The following IGF1R variants were observed in gnomAD, a reference collection of about 807,000 sequenced individuals.
IGF1R encodes insulin-like growth factor 1 receptor.
Under a neutral mutation model 144.6 loss-of-function variants are expected in IGF1R, and 44 were observed. That is an observed-to-expected ratio of 0.30 (90% confidence interval 0.24 to 0.39). IGF1R has a LOEUF of 0.39. IGF1R is among the 10% of genes least tolerant of loss of function. IGF1R has a pLI of 1.00. For synonymous variants in IGF1R, 795 were observed against 722.8 expected (o/e 1.10, Z -1.60); for missense variants, 1,355 against 1,833.7 (o/e 0.74, Z 4.77).
chr15:98,826,208 A>G (rs1199236639), intron 2 of IGF1R, among the ~76,000 whole-genome samples: 2 of 152,240 alleles, frequency 1.3e-5, no homozygotes, highest in East Asian at 1.9e-4. Flanking sequence ...TATTTGTTGC[A>G]CTAATACTTA....
intron 14 of IGF1R, among the ~76,000 whole-genome samples, chr15:98,929,947 T>A (rs2015875266): frequency 6.6e-6 from 1 of 152,176 alleles, no homozygotes. Flanking sequence ...GCCTTCCCAA[T>A]CAAATAAGCC....
chr15:98,875,498 T>C (rs1175441422), intron 2 of IGF1R, among the ~76,000 whole-genome samples: 1 of 152,098 alleles, frequency 6.6e-6, no homozygotes, highest in Admixed American at 6.5e-5. Context: ...CTTCACACAT[T>C]CTCGTGTCTG....
At chr15:98,902,723 T>C (rs907832823) in intron 5 of IGF1R, among the ~76,000 whole-genome samples, 7 of 152,214 alleles carry the variant, frequency 4.6e-5, no homozygotes, top group Non-Finnish European at 8.8e-5. Flanking sequence ...CTTCTTGAAC[T>C]TCTTTTATAG....
intron 2 of IGF1R, among the ~76,000 whole-genome samples, chr15:98,792,534 CA>C (rs2056150168): frequency 6.6e-6 from 1 of 152,048 alleles, no homozygotes; most frequent in South Asian, 2.1e-4. Context: ...TGGTTATCTT[CA>C]AAGGATAAAT....
intron 2 of IGF1R, among the ~76,000 whole-genome samples, chr15:98,773,686 C>T (rs556991946): frequency 2.4e-4 from 37 of 152,190 alleles, no homozygotes; most frequent in Non-Finnish European, 3.7e-4. Context: ...GTACCCCACA[C>T]TGTAATCAGC....
At chr15:98,844,438 C>CA (rs2011238364) in intron 2 of IGF1R, among the ~76,000 whole-genome samples, 1 of 151,896 alleles carries the variant, frequency 6.6e-6, no homozygotes, top group Non-Finnish European at 1.5e-5. Flanking sequence ...GACTCCCTGC[C>CA]AAAAAAACTA....
chr15:98,810,896 C>T (rs527364062), intron 2 of IGF1R, among the ~76,000 whole-genome samples: 104 of 152,286 alleles, frequency 6.8e-4, no homozygotes, highest in African/African-American at 2.3e-3. Context: ...AACTACAGCC[C>T]ATGCTGCCAC....
intron 2 of IGF1R, among the ~76,000 whole-genome samples, chr15:98,868,432 C>G (rs2012587988): frequency 6.9e-6 from 1 of 145,776 alleles, no homozygotes; most frequent in African/African-American, 2.5e-5. Flanking sequence ...GAGCCTTATG[C>G]AAGCTCCTGG....
chr15:98,853,562 TAATC>T (rs2011631526), intron 2 of IGF1R, among the ~76,000 whole-genome samples: 1 of 152,192 alleles, frequency 6.6e-6, no homozygotes, highest in African/African-American at 2.4e-5. Context: ...AAAGGAAAAA[TAATC>T]TATGAAGATG....
Position 98,958,980 on chromosome 15 carries a change from A to G in IGF1R, c.*1538A>G, listed in dbSNP as rs2017120837. ...CGTAGGCTCTCTGGGCACGAGGCAGAAAGCAGGCCGGGCACCCATCCTGAG... is the reference window on the plus strand; with the variant it reads ...CGTAGGCTCTCTGGGCACGAGGCAGGAAGCAGGCCGGGCACCCATCCTGAG... On this transcript the variant is annotated 3_prime_UTR_variant, in exon 21 of 21. Transcript: ENST00000650285. The G allele has an allele frequency of 4.3e-6, 1 of 233,266 alleles. No homozygotes were observed. The highest frequency in any genetic ancestry group is 5.6e-5 in the Admixed American group (1 of 17,782). 14.4% of individuals were successfully genotyped at this position (233,266 alleles called of 1,614,324 possible). A position where few individuals can be genotyped will look rare whatever the true frequency, so the allele number is the denominator to read the frequency against.
chr15:98,765,326 T>C (rs996787469), intron 2 of IGF1R, among the ~76,000 whole-genome samples: 31 of 138,076 alleles, frequency 2.2e-4, no homozygotes, highest in East Asian at 6.7e-4. Flanking sequence ...TTTTTTTTTT[T>C]TTTTTTTTTT....
intron 2 of IGF1R, among the ~76,000 whole-genome samples, chr15:98,856,077 C>T (rs533776730): frequency 1.3e-5 from 2 of 152,312 alleles, no homozygotes; most frequent in African/African-American, 2.4e-5. Flanking sequence ...GCTGTGCCTG[C>T]TTCTGTAGAA....
chr15:98,672,982 G>A lies in IGF1R; in HGVS notation c.94+23307G>A, dbSNP rs2052936962. 3.3e-5 allele frequency among the ~76,000 whole-genome samples: 5 copies of A among 152,244 alleles called. No homozygotes were observed. In the South Asian group the frequency reaches 1.0e-3, roughly 32 times the overall value. Reference sequence around the variant, plus strand: ...CCTGCATTGTAAGACTGTCACATGGGAGCATCTTTTTATTTTATTTTACTT... The same window carrying A: ...CCTGCATTGTAAGACTGTCACATGGAAGCATCTTTTTATTTTATTTTACTT... On this transcript the variant is annotated intron_variant, in intron 1 of 20. Coordinates refer to ENST00000650285, the MANE Select transcript of IGF1R (RefSeq NM_000875.5).
At chr15:98,660,095 C>T (rs889798962) in intron 1 of IGF1R, 1 of 152,218 alleles carries the variant, frequency 6.6e-6, no homozygotes, top group Non-Finnish European at 1.5e-5. Context: ...AAACCTGTTT[C>T]CCCATGATTG....
chr15:98,892,449 C>T (rs1425177267), intron 3 of IGF1R, among the ~76,000 whole-genome samples: 1 of 147,680 alleles, frequency 6.8e-6, no homozygotes, highest in Non-Finnish European at 1.5e-5. Flanking sequence ...ATTGCTTGAA[C>T]CTGGGAGGCA....
chr15:98,894,432 T>TA (rs2014076147), intron 3 of IGF1R, among the ~76,000 whole-genome samples: 1 of 152,214 alleles, frequency 6.6e-6, no homozygotes, highest in South Asian at 2.1e-4. Context: ...TGTCCTATGA[T>TA]AGATAGTTAG....
chr15:98,939,780 G>A (rs541822488), intron 18 of IGF1R, among the ~76,000 whole-genome samples: 1 of 152,306 alleles, frequency 6.6e-6, no homozygotes, highest in South Asian at 2.1e-4. Context: ...GACCCACATT[G>A]GTTTCTAAGA....
At chr15:98,805,168 T>A (rs1016379694) in intron 2 of IGF1R, among the ~76,000 whole-genome samples, 36 of 152,186 alleles carry the variant, frequency 2.4e-4, no homozygotes, top group African/African-American at 8.4e-4. Context: ...TATCGGAGCA[T>A]TACAGGGGAG....
At chr15:98,794,373 A>G (rs1567132488) in intron 2 of IGF1R, among the ~76,000 whole-genome samples, 2 of 152,146 alleles carry the variant, frequency 1.3e-5, no homozygotes, top group African/African-American at 2.4e-5. Context: ...GTATACACCC[A>G]TCTCTTCTGT....
Sources: gnomAD v4.1 joint callset for allele counts (sites outside exome capture counted in the v4.1 genomes callset) on GRCh38, gnomAD v4.1.1 for gene constraint, MANE v1.5 for transcripts, NCBI Gene and HGNC (gene_info 2026-07-23, HGNC 2026-07-21) for gene names.